NUP155: variants seen among roughly 807,000 people sequenced by gnomAD.
NUP155 encodes the protein nuclear pore complex protein Nup155.
A neutral mutation model predicts 180.4 loss-of-function variants in NUP155; 71 were observed. That is an observed-to-expected ratio of 0.39 (90% CI 0.33 to 0.48). NUP155 has a LOEUF of 0.48. NUP155 is among the 20% of genes least tolerant of loss of function. The pLI, the probability that NUP155 is intolerant of heterozygous loss-of-function variation, is 0.91. For synonymous variants in NUP155, 582 were observed against 559.5 expected, an observed-to-expected ratio of 1.04 and a Z score of -0.57; for missense variants, 1,553 against 1,648.9, an observed-to-expected ratio of 0.94 and a Z score of 1.01.
At chr5:37,351,995 G>C (rs146629317) in intron 5 of NUP155, among the ~76,000 whole-genome samples, 6,985 of 151,972 alleles carry the variant, frequency 0.046, 552 homozygotes, top group African/African-American at 0.16. Flanking sequence ...GGCCCAGGTG[G>C]GCAGATCACC....
intron 19 of NUP155, among the ~76,000 whole-genome samples, chr5:37,325,514 A>T (rs1033502254): frequency 1.3e-5 from 2 of 152,144 alleles, no homozygotes; most frequent in African/African-American, 2.4e-5. Context: ...CCTGCCTGTA[A>T]TCTTAGCACT....
At position 37,364,320 on chromosome 5, in the gene NUP155, G is replaced by C. The variant is rs566025158; in HGVS notation, c.222C>G (p.Ser74=). 1.9e-6 allele frequency: 3 copies of C among 1,610,678 alleles called. No homozygotes were observed. Among genetic ancestry groups the C allele is most frequent in the Non-Finnish European group, 2.5e-6 (3 of 1,176,938 alleles). The change falls in exon 2 of 35, where the codon TCC becomes TCG. Residue 74 remains serine (S), a synonymous_variant. Transcript: ENST00000231498. The part of the protein sequence containing the change: ...DYPLQGPGLL[S]VPNLPEISSI... Reference sequence around the variant, plus strand: ...AACTGATCTCTGGAAGGTTGGGTACGGACAGCAAACCAGGTCCTTGCAAAG... The same window carrying C: ...AACTGATCTCTGGAAGGTTGGGTACCGACAGCAAACCAGGTCCTTGCAAAG...
At chr5:37,296,688 AAAATAAATAAAT>A (rs59874319) in intron 32 of NUP155, among the ~76,000 whole-genome samples, 1,560 of 150,710 alleles carry the variant, frequency 0.01, 13 homozygotes, top group Non-Finnish European at 0.016. Context: ...ATGATCAATA[AAAATAAATAAAT>A]AAATAAATAA....
intron 21 of NUP155, among the ~76,000 whole-genome samples, chr5:37,317,063 G>A (rs960754971): frequency 1.8e-4 from 28 of 151,718 alleles, no homozygotes; most frequent in Non-Finnish European, 2.9e-4. Context: ...CAGCTACTCA[G>A]AAGGCTGAGG....
In NUP155 at chr5:37,351,193, G is replaced by T; in HGVS notation, c.720C>A (p.Tyr240Ter). Residue 240 changes from tyrosine (Y) to a stop codon, truncating the protein, a stop_gained, in exon 6 of 35, where the codon TAC (tyrosine) becomes TAA (stop). Coordinates refer to ENST00000231498, the MANE Select transcript of NUP155 (RefSeq NM_153485.3). LOFTEE classifies it high-confidence loss of function. ...CGTTTACAAATGTCAGACTTACCTG[G>T]TAGGCTACTTCATATAAACAGCCAT... The part of the protein sequence containing the change: ...GKDGCLYEVA[Y>*]QAEAGWFSQR... 2 of 1,613,470 alleles carry T rather than the reference G, an allele frequency of 1.2e-6. No individual in the cohort carries two copies. Among genetic ancestry groups the T allele is most frequent in the South Asian group, 1.1e-5 (1 of 91,044 alleles).
chr5:37,342,788 GGA>G, intron 9 of NUP155, 142 bp from the exon 10 acceptor site: 1 of 634,024 alleles, frequency 1.6e-6, no homozygotes, highest in Non-Finnish European at 2.9e-6. Flanking sequence ...CCAGGCTGGA[GGA>G]GAGTGGCGTG....
intron 33 of NUP155, 139 bp from the exon 34 acceptor site, chr5:37,293,124 A>T (rs1742322885): frequency 1.6e-6 from 1 of 642,802 alleles, no homozygotes. Context: ...TGGCTACTAA[A>T]TTATATATCT....
At chr5:37,352,863 T>C in intron 4 of NUP155, 34 bp from the exon 5 acceptor site, 1 of 1,459,108 alleles carries the variant, frequency 6.9e-7, no homozygotes, top group Non-Finnish European at 9.6e-7. Flanking sequence ...AGGAATACTT[T>C]CAGCATTTAA....
intron 3 of NUP155, among the ~76,000 whole-genome samples, chr5:37,360,959 G>A (rs1315124476): frequency 6.6e-6 from 1 of 151,654 alleles, no homozygotes; most frequent in Non-Finnish European, 1.5e-5. Flanking sequence ...GAAAGAGAAT[G>A]TATCAGAATA....
rs965376992 is a variant in NUP155, at chr5:37,291,646, A to G, written c.*254T>C. 1 of 348,082 alleles carries G rather than the reference A, an allele frequency of 2.9e-6. No homozygotes were observed. The highest frequency in any genetic ancestry group is 4.4e-5 in the Admixed American group (1 of 22,482). 21.6% of individuals were successfully genotyped at this position (348,082 alleles called of 1,614,324 possible). ...TACAATTCAAAATAAGAGTTTCTAA[A>G]TTTTTTTAATCCTTATGTTAAAATA... On this transcript the variant is annotated 3_prime_UTR_variant, in exon 35 of 35. Coordinates refer to ENST00000231498, the MANE Select transcript of NUP155 (RefSeq NM_153485.3).
chr5:37,319,725 G>T (rs1744122152), intron 20 of NUP155, among the ~76,000 whole-genome samples: 1 of 152,134 alleles, frequency 6.6e-6, no homozygotes, highest in Non-Finnish European at 1.5e-5. Context: ...AAAAAAATTA[G>T]CTGAGCATGG....
At chr5:37,337,785 AATAG>A in intron 12 of NUP155, 29 bp downstream of exon 12, 1 of 1,287,534 alleles carries the variant, frequency 7.8e-7, no homozygotes, top group South Asian at 1.2e-5. Context: ...AAAATTATAT[AATAG>A]TTTTTTCAGA....
chr5:37,302,634 A>G (rs1003433149), intron 29 of NUP155, 145 bp downstream of exon 29: 9 of 788,124 alleles, frequency 1.1e-5, no homozygotes, highest in Non-Finnish European at 1.6e-5. Context: ...TTATATCTAA[A>G]CATAAAAATA....
intron 20 of NUP155, among the ~76,000 whole-genome samples, chr5:37,320,220 G>A (rs937904931): frequency 6.6e-6 from 1 of 152,220 alleles, no homozygotes; most frequent in East Asian, 1.9e-4. Context: ...GCTCATGCCT[G>A]TAATCCCAGC....
intron 4 of NUP155, among the ~76,000 whole-genome samples, chr5:37,355,999 G>A (rs1271416172): frequency 6.6e-6 from 1 of 151,914 alleles, no homozygotes; most frequent in Non-Finnish European, 1.5e-5. Flanking sequence ...GGAGGCCGAG[G>A]TGGGCGGATC....
At chr5:37,334,313 G>C (rs1745174991) in intron 12 of NUP155, among the ~76,000 whole-genome samples, 1 of 151,948 alleles carries the variant, frequency 6.6e-6, no homozygotes, top group African/African-American at 2.4e-5. Context: ...ATGTTGCCCA[G>C]GATGTTCTCG....
intron 1 of NUP155, chr5:37,370,570 T>G: frequency 9.1e-7 from 1 of 1,102,820 alleles, no homozygotes; most frequent in Non-Finnish European, 1.2e-6. Context: ...TCATTAAGGT[T>G]GAGGTCTTTG....
chr5:37,331,810 GA>G lies in NUP155; in HGVS notation c.1519-16del. On this transcript the variant is annotated splice_polypyrimidine_tract_variant and intron_variant, in intron 13 of 34. Transcript: ENST00000231498. ...ATAAGGCTCCCCTAAGAAATTTGAA[GA>G]AAGAACATGAACAAGAGATTTACCA... 1 of 1,466,590 alleles carries G rather than the reference GA, an allele frequency of 6.8e-7. No homozygotes were observed. The highest frequency in any genetic ancestry group is 9.5e-7 in the Non-Finnish European group (1 of 1,050,024). The allele number at this position is 1,466,590 out of a possible 1,614,324, so 90.8% of individuals were successfully genotyped here.
In NUP155 at chr5:37,358,747, A is replaced by G. The variant is rs537485494; in HGVS notation, c.393-596T>C. Among the ~76,000 whole-genome samples, 11 of 152,256 alleles carry G rather than the reference A, an allele frequency of 7.2e-5. 1 individual carries two copies. Among genetic ancestry groups the G allele is most frequent in the Admixed American group, 4.6e-4 (7 of 15,266 alleles). Reference sequence around the variant, plus strand: ...TATAATGAAAAGACTGGGTGGGCACAGTGGCTCACACCTGTAAACCCAGCA... The same window carrying G: ...TATAATGAAAAGACTGGGTGGGCACGGTGGCTCACACCTGTAAACCCAGCA... On this transcript the variant is annotated intron_variant, in intron 3 of 34. Coordinates refer to ENST00000231498, the MANE Select transcript of NUP155 (RefSeq NM_153485.3).
Sources: gnomAD v4.1 joint callset for allele counts (sites outside exome capture counted in the v4.1 genomes callset) on GRCh38, gnomAD v4.1.1 for gene constraint, MANE v1.5 for transcripts, NCBI Gene and HGNC (gene_info 2026-07-23, HGNC 2026-07-21) for gene names.